SWT1: variants seen among roughly 807,000 people sequenced by gnomAD.
SWT1 encodes SWT1 RNA endoribonuclease homolog, also known as transcriptional protein SWT1.
A neutral mutation model predicts 107.3 loss-of-function variants in SWT1; 33 were observed. The ratio of observed to expected loss-of-function variants is 0.31; its 90% CI spans 0.23 to 0.41. The LOEUF is 0.41. SWT1 is among the 10% of genes least tolerant of loss of function. The pLI is 1.00. For missense variants in SWT1, 898 were observed against 1,028.9 expected, an observed-to-expected ratio of 0.87 and a Z score of 1.74; for synonymous variants, 345 against 348.3, an observed-to-expected ratio of 0.99 and a Z score of 0.11.
intron 9 of SWT1, among the ~76,000 whole-genome samples, chr1:185,187,053 C>CT (rs34634110): frequency 0.98 from 116,011 of 118,816 alleles, 56,700 homozygotes; most frequent in Non-Finnish European, 0.99. Flanking sequence ...CCGCGCCCAG[C>CT]TTTTTTTTTT....
At chr1:185,266,475 A>T (rs1486100384) in intron 16 of SWT1, 1 of 152,218 alleles carries the variant, frequency 6.6e-6, no homozygotes, top group South Asian at 2.1e-4. Context: ...TTAAAATTCA[A>T]ATTGAAAATT....
At chr1:185,233,832 C>T (rs1282382306) in intron 16 of SWT1, among the ~76,000 whole-genome samples, 1 of 152,170 alleles carries the variant, frequency 6.6e-6, no homozygotes, top group Non-Finnish European at 1.5e-5. Context: ...CAAGCTCCGC[C>T]TCCTGGGTTC....
rs918514450 is a variant in SWT1 at position 185,291,733 on chromosome 1, G to A, written c.*930G>A. On this transcript the variant is annotated 3_prime_UTR_variant, in exon 19 of 19. Coordinates refer to ENST00000367500, the MANE Select transcript of SWT1 (RefSeq NM_017673.7). ...AAATTGTTTCTGATATGTACATAAG[G>A]TATGATTATAAAAGTGACTGTCTGC... is the stretch of plus-strand genomic sequence containing the variant. 7 of 152,560 alleles carry A rather than the reference G, an allele frequency of 4.6e-5. No individual in the cohort carries two copies. In the East Asian group the frequency reaches 1.3e-3, roughly 29 times the overall value. 9.5% of individuals were successfully genotyped at this position (152,560 alleles called of 1,614,324 possible). A position where few individuals can be genotyped will look rare whatever the true frequency, so the allele number is the denominator to read the frequency against.
chr1:185,236,065 A>C (rs550909633), intron 16 of SWT1, among the ~76,000 whole-genome samples: 49 of 152,300 alleles, frequency 3.2e-4, no homozygotes, highest in African/African-American at 1.1e-3. Flanking sequence ...AACAAATAGA[A>C]AAACATTTCA....
At chr1:185,186,980 C>T (rs896782594) in intron 9 of SWT1, among the ~76,000 whole-genome samples, 12 of 150,804 alleles carry the variant, frequency 8.0e-5, no homozygotes, top group East Asian at 7.8e-4. Context: ...GTCTCTCACT[C>T]CTGACCTTAG....
chr1:185,203,271 T>G (rs1016503394), intron 11 of SWT1, among the ~76,000 whole-genome samples: 3 of 152,180 alleles, frequency 2.0e-5, no homozygotes, highest in African/African-American at 7.2e-5. Flanking sequence ...CAGCTAGCAA[T>G]AGAGAAACTT....
intron 14 of SWT1, among the ~76,000 whole-genome samples, chr1:185,218,386 C>G (rs1364479840): frequency 6.6e-6 from 1 of 152,072 alleles, no homozygotes; most frequent in Non-Finnish European, 1.5e-5. Flanking sequence ...GCTCATAGCT[C>G]TCTGTGACCT....
At chr1:185,220,688 T>A (rs147367239) in intron 14 of SWT1, among the ~76,000 whole-genome samples, 1 of 152,180 alleles carries the variant, frequency 6.6e-6, no homozygotes, top group Non-Finnish European at 1.5e-5. Context: ...AAAACAAACA[T>A]ATTCTGTTCA....
At chr1:185,240,109 T>C (rs993917502) in intron 16 of SWT1, among the ~76,000 whole-genome samples, 2 of 151,998 alleles carry the variant, frequency 1.3e-5, no homozygotes, top group African/African-American at 4.8e-5. Flanking sequence ...TTCTGTGAAA[T>C]AGATGATGAG....
chr1:185,259,148 C>A (rs907475828), intron 16 of SWT1, among the ~76,000 whole-genome samples: 2 of 151,942 alleles, frequency 1.3e-5, no homozygotes, highest in African/African-American at 4.8e-5. Flanking sequence ...TTCTTTTCAC[C>A]CTTTTTACCT....
chr1:185,259,514 G>A (rs148161218), intron 16 of SWT1, among the ~76,000 whole-genome samples: 200 of 152,210 alleles, frequency 1.3e-3, no homozygotes, highest in African/African-American at 4.5e-3. Context: ...ACAAAATGAG[G>A]CTGATACATC....
At position 185,231,695 on chromosome 1, in the gene SWT1, GAAGGAATTCA is replaced by G; in HGVS notation, c.2433_2441+1del. 1 of 1,604,410 alleles carries G rather than the reference GAAGGAATTCA, an allele frequency of 6.2e-7. No homozygotes were observed. Among genetic ancestry groups the G allele is most frequent in the South Asian group, 1.1e-5 (1 of 90,496 alleles). Reference sequence around the variant, plus strand: ...AATGGCAGCTGTGAGGGATATTCTTGAAGGAATTCAAAGGTAAACACTATATTAATTTTAA... The same window carrying G: ...AATGGCAGCTGTGAGGGATATTCTTGAAGGTAAACACTATATTAATTTTAA... On this transcript the variant is annotated frameshift_variant, in exon 16 of 19. Transcript: ENST00000367500. LOFTEE classifies it high-confidence loss of function.
chr1:185,249,122 T>TA (rs1458378549), intron 16 of SWT1, among the ~76,000 whole-genome samples: 1 of 152,188 alleles, frequency 6.6e-6, no homozygotes, highest in African/African-American at 2.4e-5. Context: ...CTCCAGCCTC[T>TA]AAGGCTGGCT....
At chr1:185,184,435 G>A (rs1656281675) in intron 8 of SWT1, 91 bp downstream of exon 8, 4 of 779,554 alleles carry the variant, frequency 5.1e-6, no homozygotes, top group Non-Finnish European at 8.6e-6. Context: ...CCATGAACAT[G>A]TCTCCATTTA....
intron 9 of SWT1, among the ~76,000 whole-genome samples, chr1:185,188,168 G>C (rs1019485711): frequency 6.6e-6 from 1 of 152,052 alleles, no homozygotes; most frequent in Non-Finnish European, 1.5e-5. Flanking sequence ...GTCTGTTTCC[G>C]GAGTCTTTAT....
intron 2 of SWT1, among the ~76,000 whole-genome samples, chr1:185,161,959 G>T (rs1654185218): frequency 6.6e-6 from 1 of 152,178 alleles, no homozygotes; most frequent in South Asian, 2.1e-4. Flanking sequence ...GTGGTGGCAG[G>T]TTAGTTCATA....
intron 5 of SWT1, chr1:185,177,128 G>A (rs1655638576): frequency 3.9e-6 from 3 of 773,138 alleles, no homozygotes; most frequent in African/African-American, 3.8e-5. Context: ...AAGAGGGCAA[G>A]AATTGAGTTT....
chr1:185,183,788 T>A (rs755665830), intron 7 of SWT1, among the ~76,000 whole-genome samples: 2 of 152,242 alleles, frequency 1.3e-5, no homozygotes, highest in African/African-American at 2.4e-5. Flanking sequence ...AAACATTGAT[T>A]ACTATTCTTT....
chr1:185,248,775 CAAAA>C (rs371891305), intron 16 of SWT1, among the ~76,000 whole-genome samples: 17 of 117,818 alleles, frequency 1.4e-4, no homozygotes, highest in Non-Finnish European at 1.9e-4. Context: ...ACGACTAAGC[CAAAA>C]AAAAAAAAAA....
Sources: allele counts gnomAD v4.1 joint callset (sites outside exome capture counted in the v4.1 genomes callset), GRCh38; gene constraint gnomAD v4.1.1; transcripts MANE v1.5; gene names NCBI Gene and HGNC (gene_info 2026-07-23, HGNC 2026-07-21).